The following NCAM2 variants were observed in gnomAD, a reference collection of about 807,000 sequenced individuals.
NCAM2 encodes N-CAM-2.
NCAM2 carries 30 observed loss-of-function variants against 98.1 expected under a neutral mutation model. The observed-to-expected ratio is 0.31, with a 90% CI of 0.23 to 0.41. The LOEUF is 0.41. Among genes scored for constraint, NCAM2 ranks in the 10% least tolerant of loss-of-function variants. The pLI, the probability that NCAM2 is intolerant of heterozygous loss-of-function variation, is 1.00. For missense variants in NCAM2, 867 were observed against 1,005.8 expected (o/e 0.86, Z 1.87); for synonymous variants, 368 against 342.4 (o/e 1.07, Z -0.83).
At chr21:21,082,291 A>AAAC (rs1569003325) in intron 1 of NCAM2, among the ~76,000 whole-genome samples, 1 of 140,054 alleles carries the variant, frequency 7.1e-6, no homozygotes, top group Non-Finnish European at 1.6e-5. Flanking sequence ...CAAAAAAAAA[A>AAAC]AAACAAAACA....
intron 5 of NCAM2, among the ~76,000 whole-genome samples, chr21:21,294,033 C>A (rs2073389997): frequency 6.6e-6 from 1 of 151,004 alleles, no homozygotes; most frequent in South Asian, 2.1e-4. Context: ...GCATAGTAAC[C>A]CTTTGTTATT....
At chr21:21,011,719 TG>T (rs1393751831) in intron 1 of NCAM2, among the ~76,000 whole-genome samples, 2 of 152,086 alleles carry the variant, frequency 1.3e-5, no homozygotes, top group African/African-American at 4.8e-5. Flanking sequence ...AGAATATATT[TG>T]TAAACTATAC....
At chr21:21,049,871 CAA>C (rs11412655) in intron 1 of NCAM2, among the ~76,000 whole-genome samples, 1,439 of 139,760 alleles carry the variant, frequency 0.01, 18 homozygotes, top group African/African-American at 0.037. Context: ...AACTCCATCT[CAA>C]AAAAAAAAAA....
intron 9 of NCAM2, among the ~76,000 whole-genome samples, chr21:21,409,035 A>G (rs2076802932): frequency 6.9e-6 from 1 of 145,900 alleles, no homozygotes; most frequent in Admixed American, 6.9e-5. Context: ...ATAATTTTTG[A>G]TGTGATATTA....
At chr21:21,429,751 T>G (rs552402965) in intron 11 of NCAM2, among the ~76,000 whole-genome samples, 38 of 152,206 alleles carry the variant, frequency 2.5e-4, no homozygotes, top group African/African-American at 8.9e-4. Flanking sequence ...CTAAGACTTT[T>G]GGATGCATCA....
chr21:21,275,817 C>G (rs951487871), intron 1 of NCAM2, among the ~76,000 whole-genome samples: 4 of 152,124 alleles, frequency 2.6e-5, no homozygotes, highest in African/African-American at 9.7e-5. Flanking sequence ...TTCAATTTGT[C>G]AGTAATTTTA....
In NCAM2 at chr21:21,432,075, G is replaced by C. The variant is rs547504081; in HGVS notation, c.1481-33G>C. 327 of 1,594,106 alleles carry C rather than the reference G, an allele frequency of 2.1e-4. 7 individuals carry two copies. The South Asian group carries it at 3.4e-3, about 17-fold the overall frequency. On this transcript the variant is annotated intron_variant, in intron 11 of 17. Coordinates refer to ENST00000400546, the MANE Select transcript of NCAM2 (RefSeq NM_004540.5). ...TAATAATGGCCATTCCCATTCCCTT[G>C]GTTATGTTTTCTTTATATTTCTTTG...
chr21:21,076,132 A>G (rs1295349587), intron 1 of NCAM2, among the ~76,000 whole-genome samples: 1 of 151,164 alleles, frequency 6.6e-6, no homozygotes. Context: ...AAAAAAAAAG[A>G]ATATGACCAT....
intron 1 of NCAM2, among the ~76,000 whole-genome samples, chr21:21,116,142 G>A (rs573519167): frequency 1.4e-4 from 22 of 152,086 alleles, no homozygotes; most frequent in East Asian, 7.8e-4. Flanking sequence ...ATTTTCTTGC[G>A]TTTATTAGTT....
At chr21:21,476,590 T>C (rs1205397701) in intron 14 of NCAM2, among the ~76,000 whole-genome samples, 1 of 152,072 alleles carries the variant, frequency 6.6e-6, no homozygotes, top group Non-Finnish European at 1.5e-5. Flanking sequence ...GTAATTGTAG[T>C]TCTAATGGTA....
chr21:21,161,247 GA>G (rs897815559), intron 1 of NCAM2, among the ~76,000 whole-genome samples: 1 of 151,682 alleles, frequency 6.6e-6, no homozygotes, highest in Admixed American at 6.6e-5. Context: ...TGATTATAGA[GA>G]AAAAAAGATA....
At chr21:21,313,445 A>C (rs1341522683) in intron 5 of NCAM2, among the ~76,000 whole-genome samples, 1 of 151,780 alleles carries the variant, frequency 6.6e-6, no homozygotes, top group African/African-American at 2.4e-5. Context: ...TCATTATGTA[A>C]TATTCTATTT....
Position 21,081,820 on chromosome 21 carries a change from G to A in NCAM2, c.55+83202G>A, listed in dbSNP as rs7279470. ...CCTCTCAAAGAAAAAGAAAAAAAAA[G>A]AAAAAAAAATTATCTCATGCCTTTA... On this transcript the variant is annotated intron_variant, in intron 1 of 17. Transcript: ENST00000400546. Among the ~76,000 whole-genome samples, 215 of 151,094 alleles carry A rather than the reference G, an allele frequency of 1.4e-3. 1 individual carries two copies. The highest frequency in any genetic ancestry group is 4.7e-3 in the African/African-American group (191 of 40,770).
chr21:21,014,771 G>A (rs553416094), intron 1 of NCAM2, among the ~76,000 whole-genome samples: 55 of 152,246 alleles, frequency 3.6e-4, no homozygotes, highest in African/African-American at 1.2e-3. Context: ...AGCTGCCATC[G>A]GTAATGATTC....
intron 15 of NCAM2, among the ~76,000 whole-genome samples, chr21:21,483,783 C>T (rs866029360): frequency 6.6e-6 from 1 of 152,168 alleles, no homozygotes; most frequent in Middle Eastern, 3.4e-3. Flanking sequence ...AAAATATTTT[C>T]ATAATCTTTG....
At chr21:21,527,305 G>T (rs986730440) in intron 16 of NCAM2, among the ~76,000 whole-genome samples, 7 of 151,830 alleles carry the variant, frequency 4.6e-5, no homozygotes, top group African/African-American at 1.7e-4. Flanking sequence ...TAGAGATGAG[G>T]TTTCACCATG....
intron 1 of NCAM2, among the ~76,000 whole-genome samples, chr21:21,040,551 T>G (rs1330090963): frequency 6.6e-6 from 1 of 151,904 alleles, no homozygotes; most frequent in Non-Finnish European, 1.5e-5. Context: ...TGTCCATCAG[T>G]AGATGAACAG....
chr21:21,190,064 G>A (rs1171133346), intron 1 of NCAM2, among the ~76,000 whole-genome samples: 1 of 152,202 alleles, frequency 6.6e-6, no homozygotes, highest in East Asian at 1.9e-4. Context: ...GAATGCATAT[G>A]TGTTTACATT....
chr21:21,461,144 C>T (rs149723434), intron 12 of NCAM2, among the ~76,000 whole-genome samples: 18 of 151,906 alleles, frequency 1.2e-4, no homozygotes, highest in African/African-American at 4.1e-4. Flanking sequence ...TTTACGTACT[C>T]AGTGGACCTT....
Sources: allele counts gnomAD v4.1 joint callset (sites outside exome capture counted in the v4.1 genomes callset), GRCh38; gene constraint gnomAD v4.1.1; transcripts MANE v1.5; gene names NCBI Gene and HGNC (gene_info 2026-07-23, HGNC 2026-07-21).